TRABD2B: variants seen among roughly 807,000 people sequenced by gnomAD.
TRABD2B encodes TraB domain containing 2B.
In TRABD2B, 14 loss-of-function variants were observed where a neutral mutation model predicts 40.1. That is an observed-to-expected ratio of 0.35 (90% CI 0.23 to 0.55). The LOEUF (loss-of-function observed/expected upper bound fraction) is 0.55. Ranked by LOEUF, TRABD2B falls within the 20% of genes least tolerant of loss-of-function variation. TRABD2B has a pLI of 0.90. For missense variants in TRABD2B, 541 were observed against 648.6 expected (o/e 0.83, Z 1.80); for synonymous variants, 263 against 277.0 (o/e 0.95, Z 0.50).
At chr1:47,911,448 G>A (rs1309056703) in intron 2 of TRABD2B, among the ~76,000 whole-genome samples, 3 of 152,212 alleles carry the variant, frequency 2.0e-5, no homozygotes, top group Non-Finnish European at 4.4e-5. Flanking sequence ...ACAGACAGGA[G>A]GCAGCAAGTG....
At position 47,775,133 on chromosome 1, in the gene TRABD2B, G is replaced by C. The variant is rs561530407; in HGVS notation, c.1349+37C>G. On this transcript the variant is annotated intron_variant, in intron 6 of 6. Transcript: ENST00000606738. ...AGGGTATACTATCCCGGGTGCAGACGCCCAGCTCCTGGGCAGACCTGCCCT... is the reference window on the plus strand; with the variant it reads ...AGGGTATACTATCCCGGGTGCAGACCCCCAGCTCCTGGGCAGACCTGCCCT... The C allele has an allele frequency of 8.6e-5, 106 of 1,232,582 alleles. No homozygotes were observed. The African/African-American group carries it at 1.4e-3, about 17-fold the overall frequency. 76.4% of individuals were successfully genotyped at this position (1,232,582 alleles called of 1,614,324 possible).
intron 2 of TRABD2B, among the ~76,000 whole-genome samples, chr1:47,880,765 A>C (rs1644291959): frequency 6.6e-6 from 1 of 152,222 alleles, no homozygotes; most frequent in East Asian, 1.9e-4. Context: ...TCTGGGATCC[A>C]GTTAGCAGGC....
At chr1:47,859,733 TG>T (rs1433527103) in intron 2 of TRABD2B, among the ~76,000 whole-genome samples, 1 of 152,200 alleles carries the variant, frequency 6.6e-6, no homozygotes, top group Non-Finnish European at 1.5e-5. Context: ...CAGACCAATC[TG>T]ACAAGTGTCT....
At chr1:47,815,107 T>A (rs2124373793) in intron 2 of TRABD2B, among the ~76,000 whole-genome samples, 1 of 152,282 alleles carries the variant, frequency 6.6e-6, no homozygotes, top group Middle Eastern at 3.4e-3. Context: ...AGCTCGGGTC[T>A]CCTATGCTCC....
chr1:47,923,737 A>G (rs1042055972), intron 2 of TRABD2B, among the ~76,000 whole-genome samples: 10 of 152,130 alleles, frequency 6.6e-5, no homozygotes, highest in African/African-American at 2.4e-4. Flanking sequence ...GCTTTAAGAG[A>G]AAAAGCCTGA....
intron 2 of TRABD2B, among the ~76,000 whole-genome samples, chr1:47,850,651 T>C (rs1210130691): frequency 6.6e-6 from 1 of 152,166 alleles, no homozygotes; most frequent in Admixed American, 6.5e-5. Context: ...GGATTTGGCC[T>C]GGACCAAGGG....
At chr1:47,834,482 T>C (rs1424353898) in intron 2 of TRABD2B, among the ~76,000 whole-genome samples, 1 of 152,070 alleles carries the variant, frequency 6.6e-6, no homozygotes, top group Admixed American at 6.6e-5. Context: ...TCACCTCTGC[T>C]AACCTTGAGG....
chr1:47,882,495 G>A (rs990835297), intron 2 of TRABD2B, among the ~76,000 whole-genome samples: 2 of 152,194 alleles, frequency 1.3e-5, no homozygotes, highest in Admixed American at 6.5e-5. Context: ...TGGTCCCAGG[G>A]TGAAGGAGAA....
chr1:47,984,786 C>G (rs1645896955), intron 2 of TRABD2B, among the ~76,000 whole-genome samples: 1 of 152,022 alleles, frequency 6.6e-6, no homozygotes, highest in Admixed American at 6.5e-5. Flanking sequence ...GAAGCTGTGC[C>G]TCTTCTGTAC....
In TRABD2B at chr1:47,795,020, C is replaced by T. The variant is rs115923906; in HGVS notation, c.814-260G>A. Among the ~76,000 whole-genome samples the T allele has an allele frequency of 8.0e-3, 1,215 of 152,268 alleles. 26 individuals carry two copies. The highest frequency in any genetic ancestry group is 0.027 in the African/African-American group (1,117 of 41,548). ...CTCCTGGCTCAAGCAATCCTCCTGC[C>T]TTGGCTTCGCAAAGTGCTAGGATTA... is the stretch of plus-strand genomic sequence containing the variant. On this transcript the variant is annotated intron_variant, in intron 3 of 6. Coordinates refer to ENST00000606738, the MANE Select transcript of TRABD2B (RefSeq NM_001194986.2).
intron 3 of TRABD2B, among the ~76,000 whole-genome samples, chr1:47,800,086 G>A (rs1644801974): frequency 6.6e-6 from 1 of 151,840 alleles, no homozygotes; most frequent in Non-Finnish European, 1.5e-5. Flanking sequence ...GCCAGGGGCT[G>A]CTCCAGCCAG....
intron 2 of TRABD2B, among the ~76,000 whole-genome samples, chr1:47,882,677 T>C (rs929096202): frequency 2.0e-5 from 3 of 152,126 alleles, no homozygotes; most frequent in Non-Finnish European, 1.5e-5. Flanking sequence ...GTTTCAGTCC[T>C]GGCCTTAACA....
At chr1:47,928,720 T>A (rs532946966) in intron 2 of TRABD2B, among the ~76,000 whole-genome samples, 2 of 152,368 alleles carry the variant, frequency 1.3e-5, no homozygotes, top group African/African-American at 4.8e-5. Context: ...TACCTAAGTG[T>A]ACTAGTACAT....
At chr1:47,856,646 C>A (rs1015408944) in intron 2 of TRABD2B, among the ~76,000 whole-genome samples, 3 of 152,164 alleles carry the variant, frequency 2.0e-5, no homozygotes, top group African/African-American at 7.2e-5. Context: ...TTCACTCCAA[C>A]CATGCACCCA....
chr1:47,782,271 T>C (rs543298092), intron 4 of TRABD2B, among the ~76,000 whole-genome samples: 2 of 152,336 alleles, frequency 1.3e-5, no homozygotes, highest in South Asian at 4.2e-4. Flanking sequence ...CTCATCTTCA[T>C]ACGATCAGTT....
At position 47,907,295 on chromosome 1, in the gene TRABD2B, T is replaced by C. The variant is rs769621208; in HGVS notation, c.666+86739A>G. Among the ~76,000 whole-genome samples, 57 of 152,306 alleles carry C rather than the reference T, an allele frequency of 3.7e-4. 1 individual carries two copies. Among genetic ancestry groups the C allele is most frequent in the Admixed American group, 2.6e-3 (40 of 15,306 alleles). ...GCTTTTTACAAGAGAGTCATGGTCA[T>C]TGAATTTGGTTTTCTAGCTCTCCTC... On this transcript the variant is annotated intron_variant, in intron 2 of 6. Transcript: ENST00000606738.
chr1:47,985,493 A>C (rs1645907337), intron 2 of TRABD2B, among the ~76,000 whole-genome samples: 1 of 152,228 alleles, frequency 6.6e-6, no homozygotes, highest in Non-Finnish European at 1.5e-5. Context: ...CAAGGAAACC[A>C]CCTTGTCTAA....
At chr1:47,794,516 G>T (rs903599102) in intron 4 of TRABD2B, 70 bp downstream of exon 4, 1 of 1,418,584 alleles carries the variant, frequency 7.0e-7, no homozygotes, top group African/African-American at 1.5e-5. Flanking sequence ...CGATGAAGTA[G>T]AGGTTAGGGG....
intron 2 of TRABD2B, among the ~76,000 whole-genome samples, chr1:47,808,548 T>C (rs1261487353): frequency 1.3e-5 from 2 of 152,074 alleles, no homozygotes; most frequent in Admixed American, 1.3e-4. Flanking sequence ...AAGACAGTGA[T>C]GGGAGACAAA....
Sources: gnomAD v4.1 joint callset for allele counts (sites outside exome capture counted in the v4.1 genomes callset) on GRCh38, gnomAD v4.1.1 for gene constraint, MANE v1.5 for transcripts, NCBI Gene and HGNC (gene_info 2026-07-23, HGNC 2026-07-21) for gene names.